Variants in ANKRD18A observed in about 807,000 individuals in gnomAD.
ANKRD18A encodes the protein ankyrin repeat domain-containing protein 18A.
A neutral mutation model predicts 110.6 loss-of-function variants in ANKRD18A; 72 were observed. The ratio of observed to expected loss-of-function variants is 0.65; its 90% CI spans 0.54 to 0.79. The LOEUF (loss-of-function observed/expected upper bound fraction) is 0.79. Among genes scored for constraint, ANKRD18A ranks in the 30% least tolerant of loss-of-function variants. The pLI is 0.00. For missense variants in ANKRD18A, 934 were observed against 1,163.3 expected (o/e 0.80, Z 2.87); for synonymous variants, 305 against 410.3 (o/e 0.74, Z 3.10).
intron 12 of ANKRD18A, among the ~76,000 whole-genome samples, chr9:38,578,919 T>A (rs1191025993): frequency 1.3e-5 from 2 of 152,170 alleles, no homozygotes; most frequent in Non-Finnish European, 2.9e-5. Context: ...TAAATAAGGA[T>A]TCTGATGCCA....
chr9:38,599,211 G>A (rs185918552), intron 8 of ANKRD18A, among the ~76,000 whole-genome samples: 141 of 152,264 alleles, frequency 9.3e-4, no homozygotes, highest in Non-Finnish European at 1.5e-3. Flanking sequence ...GAGGGACCCA[G>A]AGTATAAATG....
chr9:38,571,110 G>A (rs1220694506), downstream of ANKRD18A: 10 of 1,524,480 alleles, frequency 6.6e-6, no homozygotes, highest in African/African-American at 1.4e-5. Context: ...CCCTTTGCTA[G>A]TTTCTTGGTA....
Position 38,572,026 on chromosome 9 carries a change from A to G in ANKRD18A, c.*19T>C. Reference sequence around the variant, plus strand: ...CTTACCAGTGGATTCTACAAAAGAAAGTAGACGGGAGCAAGTGCTCAACAT... The same window carrying G: ...CTTACCAGTGGATTCTACAAAAGAAGGTAGACGGGAGCAAGTGCTCAACAT... On this transcript the variant is annotated 3_prime_UTR_variant, in exon 16 of 16. Transcript: ENST00000399703. 6.3e-7 allele frequency: 1 copy of G among 1,591,846 alleles called. No homozygotes were observed. Among genetic ancestry groups the G allele is most frequent in the Non-Finnish European group, 8.5e-7 (1 of 1,173,426 alleles).
chr9:38,591,160 G>A (rs1824632008), intron 10 of ANKRD18A, among the ~76,000 whole-genome samples: 1 of 151,150 alleles, frequency 6.6e-6, no homozygotes, highest in African/African-American at 2.4e-5. Flanking sequence ...GTAGAGTCAG[G>A]GTCTCACTTA....
intron 12 of ANKRD18A, among the ~76,000 whole-genome samples, chr9:38,578,595 C>T (rs561186046): frequency 3.9e-4 from 60 of 152,202 alleles, no homozygotes; most frequent in African/African-American, 1.1e-3. Flanking sequence ...TAATACTCTA[C>T]GCTAGGCATG....
intron 15 of ANKRD18A, among the ~76,000 whole-genome samples, chr9:38,574,447 T>C (rs911627859): frequency 2.6e-5 from 4 of 152,126 alleles, no homozygotes; most frequent in Non-Finnish European, 5.9e-5. Flanking sequence ...GGTTGCTGCA[T>C]GTGGGATTAC....
intron 12 of ANKRD18A, among the ~76,000 whole-genome samples, chr9:38,580,033 C>A (rs897965885): frequency 1.3e-5 from 2 of 152,206 alleles, no homozygotes; most frequent in African/African-American, 4.8e-5. Context: ...CCACGTGGCT[C>A]AGTCTGGAGG....
chr9:38,587,979 T>G (rs1379297191), intron 11 of ANKRD18A, among the ~76,000 whole-genome samples: 1 of 152,068 alleles, frequency 6.6e-6, no homozygotes, highest in Non-Finnish European at 1.5e-5. Flanking sequence ...TCATAGCTAC[T>G]CAGGAGGCTG....
At chr9:38,591,954 G>A (rs1317778462) in intron 10 of ANKRD18A, among the ~76,000 whole-genome samples, 3 of 152,278 alleles carry the variant, frequency 2.0e-5, no homozygotes, top group Non-Finnish European at 4.4e-5. Context: ...CTGAGCGCTC[G>A]GATTAAGGAG....
rs1485659823 is a variant in ANKRD18A at position 38,620,122 on chromosome 9, G to T, written c.164C>A (p.Thr55Lys). 1 of 1,566,544 alleles carries T rather than the reference G, an allele frequency of 6.4e-7. No individual in the cohort carries two copies. The highest frequency in any genetic ancestry group is 8.7e-7 in the Non-Finnish European group (1 of 1,155,624). The change falls in exon 1 of 16, where the codon ACG (threonine) becomes AAG (lysine). Residue 55 changes from threonine to lysine, a missense_variant. Physicochemically the swap from Thr to Lys is moderately conservative, Grantham distance 78 (BLOSUM62 -1). This residue lies in a region of ANKRD18A where 630 missense variants were observed against 797.5 expected (regional missense o/e 0.79). Transcript: ENST00000399703. ...GGCGTCCAAGTCCCGGAACCTGCGC[G>T]TCAGGCAGCGCTCCACCTCCGCGGC... ...GDAAEVERCL[T>K]RRFRDLDARD... is the part of the protein sequence containing the mutation.
Position 38,610,420 on chromosome 9 carries a change from T to C in ANKRD18A, c.603-10A>G. ...AAGTATGAGGGCTGTTCTAAAATAA[T>C]AAAGAAATAACAGCACTCAAGAACT... On this transcript the variant is annotated splice_polypyrimidine_tract_variant and intron_variant, in intron 4 of 15. Transcript: ENST00000399703. The C allele has an allele frequency of 6.5e-7, 1 of 1,535,844 alleles. No individual in the cohort carries two copies. Among genetic ancestry groups the C allele is most frequent in the Middle Eastern group, 1.7e-4 (1 of 5,896 alleles).
downstream of ANKRD18A, chr9:38,568,812 C>A: frequency 1.0e-6 from 1 of 985,320 alleles, no homozygotes; most frequent in South Asian, 4.7e-5. Context: ...ACCATAGTGC[C>A]CCTCCCCTCC....
chr9:38,593,688 A>G, intron 10 of ANKRD18A, 72 bp downstream of exon 10: 1 of 1,273,430 alleles, frequency 7.9e-7, no homozygotes, highest in South Asian at 2.9e-5. Context: ...CACTGAAATT[A>G]GTATCCTAAG....
At chr9:38,617,692 A>C (rs955184525) in intron 1 of ANKRD18A, among the ~76,000 whole-genome samples, 7 of 152,196 alleles carry the variant, frequency 4.6e-5, no homozygotes. Context: ...CTTCAGTGAG[A>C]TTAAGTTCTA....
intron 7 of ANKRD18A, among the ~76,000 whole-genome samples, chr9:38,601,619 C>T (rs1285442152): frequency 6.6e-6 from 1 of 152,082 alleles, no homozygotes; most frequent in Non-Finnish European, 1.5e-5. Context: ...ACTGTTATAC[C>T]TTTACAGTGT....
At chr9:38,609,306 C>T (rs1347900483) in intron 5 of ANKRD18A, among the ~76,000 whole-genome samples, 2 of 151,974 alleles carry the variant, frequency 1.3e-5, no homozygotes, top group Non-Finnish European at 1.5e-5. Flanking sequence ...GGTGAAACCC[C>T]GTCACCACTA....
At position 38,595,811 on chromosome 9, in the gene ANKRD18A, T is replaced by C. The variant is rs1366398380; in HGVS notation, c.1529A>G (p.Asp510Gly). The C allele has an allele frequency of 3.2e-6, 5 of 1,551,094 alleles. No individual in the cohort carries two copies. The East Asian group carries it at 1.2e-4, about 38-fold the overall frequency. ...TATTCGATGCTGTGCTTGCCTTAGG[T>C]CCAGCTGTACACTTCCTAAAGCCAA... Reference protein sequence around the residue: ...KTLALGSVQLDLRQAQHRIKE... With the variant: ...KTLALGSVQLGLRQAQHRIKE... The change falls in exon 9 of 16, where the codon GAC becomes GGC. Residue 510 changes from aspartate to glycine, a missense_variant. This residue lies in a region of ANKRD18A where 630 missense variants were observed against 797.5 expected (regional missense o/e 0.79). Coordinates refer to ENST00000399703, the MANE Select transcript of ANKRD18A (RefSeq NM_147195.4).
At chr9:38,610,530 C>T (rs1234276657) in intron 4 of ANKRD18A, 120 bp from the exon 5 acceptor site, 28 of 1,343,242 alleles carry the variant, frequency 2.1e-5, no homozygotes, top group Non-Finnish European at 2.8e-5. Flanking sequence ...TAACCATTTA[C>T]ATGTACTAGC....
downstream of ANKRD18A, chr9:38,571,338 G>A: frequency 6.5e-6 from 6 of 926,582 alleles, no homozygotes; most frequent in East Asian, 9.3e-5. Context: ...TTGGGGAACT[G>A]GAGCACCAGA....
Sources: allele counts gnomAD v4.1 joint callset (sites outside exome capture counted in the v4.1 genomes callset), GRCh38; gene constraint gnomAD v4.1.1; regional missense constraint gnomAD v4.1.1; transcripts MANE v1.5; gene names NCBI Gene and HGNC (gene_info 2026-07-23, HGNC 2026-07-21).